The following RFX4 variants were observed in gnomAD, a reference collection of about 807,000 sequenced individuals.
RFX4 encodes the protein regulatory factor X4, also known as transcription factor RFX4.
In RFX4, 10 loss-of-function variants were observed where a neutral mutation model predicts 95.0. The ratio of observed to expected loss-of-function variants is 0.11; its 90% CI spans 0.06 to 0.18. The LOEUF (loss-of-function observed/expected upper bound fraction) is 0.18, where lower values mean the gene tolerates loss of function less well. Ranked by LOEUF, RFX4 falls within the 10% of genes least tolerant of loss-of-function variation. The probability of loss-of-function intolerance (pLI) is 1.00; values close to 1 mark genes in which losing one functional copy is unlikely to be tolerated. For missense variants in RFX4, 640 were observed against 922.0 expected (o/e 0.69, Z 3.96); for synonymous variants, 321 against 340.7 (o/e 0.94, Z 0.64).
Position 106,583,473 on chromosome 12 carries a change from G to C in RFX4, c.43+110G>C, listed in dbSNP as rs548581840. 3 of 987,310 alleles carry C rather than the reference G, an allele frequency of 3.0e-6. No individual in the cohort carries two copies. The Admixed American group carries it at 9.5e-5, about 31-fold the overall frequency. 61.2% of individuals were successfully genotyped at this position (987,310 alleles called of 1,614,324 possible). A position where few individuals can be genotyped will look rare whatever the true frequency, so the allele number is the denominator to read the frequency against. ...GTTCAGACGGGTCAACTTGACAGTG[G>C]AACCCCAAAGAATAACGCAGAGCTT... On this transcript the variant is annotated intron_variant, in intron 1 of 17. Transcript: ENST00000392842.
chr12:106,669,839 G>GTGTGTGTGTGTGTGTGT (rs1565972599), intron 4 of RFX4, among the ~76,000 whole-genome samples: 9 of 143,158 alleles, frequency 6.3e-5, no homozygotes, highest in Non-Finnish European at 9.1e-5. Flanking sequence ...TTTTTCTAGG[G>GTGTGTGTGTGTGTGTGT]GTGTGTGTGT....
intron 3 of RFX4, among the ~76,000 whole-genome samples, chr12:106,643,729 A>T (rs2040684152): frequency 6.6e-6 from 1 of 152,210 alleles, no homozygotes; most frequent in African/African-American, 2.4e-5. Flanking sequence ...GCTTAAAAAA[A>T]AACCCAGGAT....
chr12:106,644,353 C>G (rs1416238303), intron 3 of RFX4, among the ~76,000 whole-genome samples: 2 of 151,668 alleles, frequency 1.3e-5, no homozygotes, highest in East Asian at 1.9e-4. Flanking sequence ...CCTGCCTCAG[C>G]CTTCTAAGAA....
intron 4 of RFX4, among the ~76,000 whole-genome samples, chr12:106,668,900 G>A (rs2137360803): frequency 6.6e-6 from 1 of 152,310 alleles, no homozygotes; most frequent in South Asian, 2.1e-4. Context: ...GCTGGCTTAT[G>A]GATAGGCACT....
At chr12:106,734,717 A>G (rs535119786) in intron 15 of RFX4, among the ~76,000 whole-genome samples, 1 of 152,308 alleles carries the variant, frequency 6.6e-6, no homozygotes, top group Admixed American at 6.5e-5. Context: ...GTCTATATCC[A>G]AAGGAATGAA....
At chr12:106,596,025 C>T (rs145362850) in intron 1 of RFX4, among the ~76,000 whole-genome samples, 1 of 152,324 alleles carries the variant, frequency 6.6e-6, no homozygotes, top group Non-Finnish European at 1.5e-5. Flanking sequence ...GCTTTAAGCA[C>T]CACTTGCAAG....
chr12:106,757,879 G>C (rs2043137871), intron 17 of RFX4, among the ~76,000 whole-genome samples: 1 of 152,242 alleles, frequency 6.6e-6, no homozygotes, highest in Non-Finnish European at 1.5e-5. Flanking sequence ...GCAAGAGTCA[G>C]TCACAGCTGA....
At chr12:106,693,001 C>A in intron 7 of RFX4, 3 of 273,806 alleles carry the variant, frequency 1.1e-5, no homozygotes, top group South Asian at 6.6e-5. Context: ...TCTTAGATTG[C>A]CACTCCCCTC....
intron 8 of RFX4, among the ~76,000 whole-genome samples, chr12:106,707,870 C>T (rs2042116395): frequency 2.0e-5 from 3 of 152,316 alleles, no homozygotes; most frequent in African/African-American, 7.2e-5. Context: ...TAGTGGCTCA[C>T]GCCTGTAATC....
Position 106,689,384 on chromosome 12 carries a change from G to T in RFX4, c.669+20G>T, listed in dbSNP as rs767411633. 3.2e-6 allele frequency: 5 copies of T among 1,570,118 alleles called. No homozygotes were observed. In the African/African-American group the frequency reaches 6.8e-5, roughly 21 times the overall value. On this transcript the variant is annotated intron_variant, in intron 7 of 17. Coordinates refer to ENST00000392842, the MANE Select transcript of RFX4 (RefSeq NM_213594.3). ...GATGAGGTAGGTCAACAAGGGTTGAGCTGTGAATACTCGGTATTAAAAATC... is the reference window on the plus strand; with the variant it reads ...GATGAGGTAGGTCAACAAGGGTTGATCTGTGAATACTCGGTATTAAAAATC...
At chr12:106,677,534 T>C (rs1013931260) in intron 4 of RFX4, among the ~76,000 whole-genome samples, 2 of 152,050 alleles carry the variant, frequency 1.3e-5, no homozygotes, top group African/African-American at 4.8e-5. Flanking sequence ...AATGATCATA[T>C]TGGCATTTTA....
chr12:106,659,141 T>G (rs1189372242), intron 4 of RFX4, among the ~76,000 whole-genome samples: 1 of 152,220 alleles, frequency 6.6e-6, no homozygotes, highest in Non-Finnish European at 1.5e-5. Flanking sequence ...TATACTCTTT[T>G]TTAGATGTTA....
chr12:106,645,025 C>A (rs1158362519), intron 3 of RFX4, among the ~76,000 whole-genome samples: 2 of 152,042 alleles, frequency 1.3e-5, no homozygotes, highest in Non-Finnish European at 2.9e-5. Context: ...CCCTTCCTTG[C>A]CACAAACCCC....
intron 6 of RFX4, among the ~76,000 whole-genome samples, chr12:106,688,893 A>G (rs1472334600): frequency 6.6e-6 from 1 of 152,204 alleles, no homozygotes; most frequent in Non-Finnish European, 1.5e-5. Context: ...GTCTCAGCCA[A>G]TGAAGAGAAT....
At chr12:106,639,986 T>C (rs887861529) in intron 3 of RFX4, among the ~76,000 whole-genome samples, 3 of 152,194 alleles carry the variant, frequency 2.0e-5, no homozygotes, top group Admixed American at 2.0e-4. Context: ...CTATGAAGAA[T>C]CTTGGCCATT....
intron 2 of RFX4, among the ~76,000 whole-genome samples, chr12:106,620,126 C>T (rs1256916985): frequency 6.6e-6 from 1 of 152,122 alleles, no homozygotes; most frequent in African/African-American, 2.4e-5. Context: ...TCTTGGATTT[C>T]AGGTATTTTT....
At position 106,761,200 on chromosome 12, in the gene RFX4, C is replaced by G; in HGVS notation, c.1939C>G (p.Pro647Ala). 6.2e-7 allele frequency: 1 copy of G among 1,610,958 alleles called. No homozygotes were observed. Among genetic ancestry groups the G allele is most frequent in the South Asian group, 1.1e-5 (1 of 90,928 alleles). The change falls in exon 18 of 18, where the codon CCT becomes GCT. Residue 647 changes from proline to alanine, a missense_variant. Physicochemically the swap from Pro to Ala is conservative, Grantham distance 27 (BLOSUM62 -1). Coordinates refer to ENST00000392842, the MANE Select transcript of RFX4 (RefSeq NM_213594.3). ...APYHRSSAQYPFNSPTSRMEP... is the reference protein window; with the variant it reads ...APYHRSSAQYAFNSPTSRMEP... ...GAATTTCTTTCCCCTCAACAAGTAC[C>G]CTTTTAATAGCCCCACTTCCCGGAT...
chr12:106,636,384 C>G (rs1362500599), intron 2 of RFX4, among the ~76,000 whole-genome samples: 2 of 135,640 alleles, frequency 1.5e-5, no homozygotes, highest in Admixed American at 7.7e-5. Context: ...GAGCAAAACT[C>G]TGTCTCAAAA....
intron 8 of RFX4, among the ~76,000 whole-genome samples, chr12:106,700,560 C>A (rs955234919): frequency 5.9e-5 from 9 of 151,272 alleles, no homozygotes; most frequent in Admixed American, 5.9e-4. Context: ...GCGCCAGCTA[C>A]CACGCCCGGC....
Sources: gnomAD v4.1 joint callset for allele counts (sites outside exome capture counted in the v4.1 genomes callset) on GRCh38, gnomAD v4.1.1 for gene constraint, MANE v1.5 for transcripts, NCBI Gene and HGNC (gene_info 2026-07-23, HGNC 2026-07-21) for gene names.